The following KCTD16 variants were observed in gnomAD, a reference collection of about 807,000 sequenced individuals.
KCTD16 encodes the protein BTB/POZ domain-containing protein KCTD16.
KCTD16 carries 13 observed loss-of-function variants against 33.2 expected under a neutral mutation model. The ratio of observed to expected loss-of-function variants is 0.39; its 90% CI spans 0.25 to 0.62. The LOEUF is 0.62. KCTD16 is among the 20% of genes least tolerant of loss of function. KCTD16 has a pLI of 0.50. For missense variants in KCTD16, 441 were observed against 525.1 expected, an observed-to-expected ratio of 0.84 and a Z score of 1.57; for synonymous variants, 197 against 195.3, an observed-to-expected ratio of 1.01 and a Z score of -0.07.
chr5:144,474,369 T>A lies in KCTD16; in HGVS notation c.*255T>A. 1 of 397,526 alleles carries A rather than the reference T, an allele frequency of 2.5e-6. No individual in the cohort carries two copies. Among genetic ancestry groups the A allele is most frequent in the South Asian group, 2.7e-5 (1 of 37,528 alleles). The allele number at this position is 397,526 out of a possible 1,614,324, so 24.6% of individuals were successfully genotyped here. ...TGTTTGTTTACTTCGTCCCATGTGC[T>A]AACTATCTTATATATAATGAGAGCC... On this transcript the variant is annotated 3_prime_UTR_variant, in exon 4 of 4. Coordinates refer to ENST00000512467, the MANE Select transcript of KCTD16 (RefSeq NM_020768.4).
At position 144,396,618 on chromosome 5, in the gene KCTD16, G is replaced by A. The variant is rs148527567; in HGVS notation, c.833-77042G>A. On this transcript the variant is annotated intron_variant, in intron 3 of 3. Transcript: ENST00000512467. ...TTAAAGAGGTAAGCACAGAAGCTTT[G>A]TAAGATTTACACGTGACATATTCAC... Among the ~76,000 whole-genome samples the A allele has an allele frequency of 3.1e-3, 471 of 152,178 alleles. 1 individual carries two copies. Among genetic ancestry groups the A allele is most frequent in the African/African-American group, 0.011 (455 of 41,518 alleles).
intron 3 of KCTD16, among the ~76,000 whole-genome samples, chr5:144,209,811 T>A (rs1468256997): frequency 6.8e-6 from 1 of 146,622 alleles, no homozygotes; most frequent in East Asian, 2.0e-4. Context: ...TATATTTATA[T>A]GTGTGTATAT....
intron 3 of KCTD16, among the ~76,000 whole-genome samples, chr5:144,316,046 C>T (rs776287492): frequency 2.7e-5 from 4 of 148,522 alleles, no homozygotes; most frequent in East Asian, 2.0e-4. Context: ...CAATTAATTT[C>T]GTTTTCGTAG....
chr5:144,370,192 T>C (rs1751934682), intron 3 of KCTD16, among the ~76,000 whole-genome samples: 1 of 151,982 alleles, frequency 6.6e-6, no homozygotes, highest in Admixed American at 6.6e-5. Context: ...CCCTGAGGAA[T>C]AAAATGAGTA....
chr5:144,251,471 AT>A (rs1278232555), intron 3 of KCTD16, among the ~76,000 whole-genome samples: 1 of 152,236 alleles, frequency 6.6e-6, no homozygotes, highest in Non-Finnish European at 1.5e-5. Flanking sequence ...AATGGTAACT[AT>A]TATTATCTGA....
chr5:144,223,954 T>A (rs564185311), intron 3 of KCTD16, among the ~76,000 whole-genome samples: 29 of 152,064 alleles, frequency 1.9e-4, no homozygotes, highest in East Asian at 5.8e-4. Flanking sequence ...TGTTTTTTTT[T>A]AAAAAAACCC....
Position 144,473,670 on chromosome 5 carries a change from C to T in KCTD16, c.843C>T (p.Ser281=). ...YTEYVFYREP[S]RWSPSHCDCC... ...TTGCTTTCTTTTCAGGTGAGCCTTC[C>T]AGATGGTCACCCTCACACTGCGATT... The change falls in exon 4 of 4, where the codon TCC becomes TCT. Residue 281 remains serine, a synonymous_variant. Coordinates refer to ENST00000512467, the MANE Select transcript of KCTD16 (RefSeq NM_020768.4). 1 of 1,595,292 alleles carries T rather than the reference C, an allele frequency of 6.3e-7. No individual in the cohort carries two copies. Among genetic ancestry groups the T allele is most frequent in the Non-Finnish European group, 8.6e-7 (1 of 1,166,194 alleles).
At chr5:144,404,024 A>C (rs1580935751) in intron 3 of KCTD16, among the ~76,000 whole-genome samples, 1 of 152,240 alleles carries the variant, frequency 6.6e-6, no homozygotes, top group East Asian at 1.9e-4. Flanking sequence ...CCCTTATTTC[A>C]TGGGATATGC....
At chr5:144,286,259 AT>A (rs35339891) in intron 3 of KCTD16, among the ~76,000 whole-genome samples, 5 of 151,864 alleles carry the variant, frequency 3.3e-5, no homozygotes, top group African/African-American at 7.2e-5. Context: ...TTCACTTTAT[AT>A]TTTTTTTCTC....
rs1754760606 is a variant in KCTD16 at position 144,253,556 on chromosome 5, A to G, written c.832+46010A>G. On this transcript the variant is annotated intron_variant, in intron 3 of 3. Transcript: ENST00000512467. ...AGGACTAGCTTTGTGTAACTTTACT[A>G]CTTGGATCCCTCTTTTTTGGGGGTT... Among the ~76,000 whole-genome samples, 6 of 152,300 alleles carry G rather than the reference A, an allele frequency of 3.9e-5. No homozygotes were observed. The South Asian group carries it at 1.2e-3, about 32-fold the overall frequency.
intron 3 of KCTD16, among the ~76,000 whole-genome samples, chr5:144,208,889 G>A (rs1254037780): frequency 6.6e-6 from 1 of 152,168 alleles, no homozygotes; most frequent in Non-Finnish European, 1.5e-5. Context: ...TCCTATCTGT[G>A]GCCTTTATCT....
At chr5:144,306,569 A>G (rs557642432) in intron 3 of KCTD16, among the ~76,000 whole-genome samples, 6 of 151,658 alleles carry the variant, frequency 4.0e-5, no homozygotes, top group Admixed American at 2.6e-4. Context: ...GGCTTTACAA[A>G]CTCCTTGGCA....
intron 3 of KCTD16, among the ~76,000 whole-genome samples, chr5:144,299,122 A>G (rs547373276): frequency 6.8e-4 from 15 of 21,910 alleles, no homozygotes; most frequent in East Asian, 3.6e-3. Flanking sequence ...ATATATATAT[A>G]TATATATATA....
At chr5:144,280,511 G>GT (rs147493132) in intron 3 of KCTD16, among the ~76,000 whole-genome samples, 38 of 152,292 alleles carry the variant, frequency 2.5e-4, no homozygotes, top group African/African-American at 8.2e-4. Flanking sequence ...GGAGTCTGTA[G>GT]TGATAAATTC....
chr5:144,202,268 G>A (rs1007085198), intron 2 of KCTD16, among the ~76,000 whole-genome samples: 6 of 152,282 alleles, frequency 3.9e-5, no homozygotes, highest in African/African-American at 1.2e-4. Context: ...TTGCTGACAC[G>A]AAGGCTAGGA....
chr5:144,425,740 G>C (rs1336773984), intron 3 of KCTD16, among the ~76,000 whole-genome samples: 2 of 152,030 alleles, frequency 1.3e-5, no homozygotes, highest in African/African-American at 4.8e-5. Flanking sequence ...GGAATGCAAG[G>C]AACAGAGTCC....
chr5:144,330,411 CAAAAAA>C (rs10577099), intron 3 of KCTD16, among the ~76,000 whole-genome samples: 45 of 87,394 alleles, frequency 5.1e-4, no homozygotes, highest in East Asian at 1.1e-3. Flanking sequence ...GAAACTCCAT[CAAAAAA>C]AAAAAAAAAA....
intron 3 of KCTD16, among the ~76,000 whole-genome samples, chr5:144,242,526 T>C (rs1287281121): frequency 1.3e-5 from 2 of 152,218 alleles, no homozygotes; most frequent in East Asian, 3.8e-4. Flanking sequence ...TACTAATTAA[T>C]GTATTAATAT....
At chr5:144,313,288 A>G (rs568994571) in intron 3 of KCTD16, among the ~76,000 whole-genome samples, 1 of 152,184 alleles carries the variant, frequency 6.6e-6, no homozygotes, top group Non-Finnish European at 1.5e-5. Flanking sequence ...TATAGCATCC[A>G]TCTCCTGCTA....
Sources: gnomAD v4.1 joint callset for allele counts (sites outside exome capture counted in the v4.1 genomes callset) on GRCh38, gnomAD v4.1.1 for gene constraint, MANE v1.5 for transcripts, NCBI Gene and HGNC (gene_info 2026-07-23, HGNC 2026-07-21) for gene names.